KSR2: variants seen among roughly 807,000 people sequenced by gnomAD.
The protein encoded by KSR2 is kinase suppressor of ras 2.
A neutral mutation model predicts 107.8 loss-of-function variants in KSR2; 25 were observed. That is an observed-to-expected ratio of 0.23 (90% confidence interval 0.17 to 0.32). The LOEUF is 0.32. Ranked by LOEUF, KSR2 falls within the 10% of genes least tolerant of loss-of-function variation. KSR2 has a pLI of 1.00. For synonymous variants in KSR2, 480 were observed against 507.0 expected, an observed-to-expected ratio of 0.95 and a Z score of 0.71; for missense variants, 887 against 1,268.9, an observed-to-expected ratio of 0.70 and a Z score of 4.57.
At chr12:117,709,167 C>G (rs1020254281) in intron 4 of KSR2, among the ~76,000 whole-genome samples, 2 of 152,134 alleles carry the variant, frequency 1.3e-5, no homozygotes, top group South Asian at 2.1e-4. Flanking sequence ...GTGCAGACAT[C>G]TTTGGGGGAG....
intron 1 of KSR2, among the ~76,000 whole-genome samples, chr12:117,902,326 C>A (rs753314486): frequency 6.6e-6 from 1 of 151,648 alleles, no homozygotes; most frequent in Non-Finnish European, 1.5e-5. Flanking sequence ...GGCGTGGTGG[C>A]GCGTGTCAAT....
intron 1 of KSR2, among the ~76,000 whole-genome samples, chr12:117,946,269 CA>C (rs1256898283): frequency 1.3e-5 from 2 of 151,570 alleles, no homozygotes; most frequent in Admixed American, 1.3e-4. Context: ...GACAGAAAAA[CA>C]TTAAATAAAT....
At chr12:117,650,037 C>A (rs954690068) in intron 5 of KSR2, among the ~76,000 whole-genome samples, 1 of 152,322 alleles carries the variant, frequency 6.6e-6, no homozygotes, top group African/African-American at 2.4e-5. Flanking sequence ...ATGGTTAATA[C>A]TGAGTGACAA....
intron 3 of KSR2, among the ~76,000 whole-genome samples, chr12:117,819,301 A>C (rs16947978): frequency 6.6e-6 from 1 of 152,046 alleles, no homozygotes; most frequent in Non-Finnish European, 1.5e-5. Flanking sequence ...CACACCCAGC[A>C]GAGTTTAGTT....
At chr12:117,478,536 C>T (rs906223663) in intron 16 of KSR2, among the ~76,000 whole-genome samples, 29 of 151,674 alleles carry the variant, frequency 1.9e-4, no homozygotes, top group African/African-American at 1.2e-4. Flanking sequence ...TGGCCTCAAG[C>T]GACCCTCCCA....
chr12:117,901,155 C>T (rs959916514), intron 1 of KSR2, among the ~76,000 whole-genome samples: 2 of 151,920 alleles, frequency 1.3e-5, no homozygotes, highest in Non-Finnish European at 2.9e-5. Flanking sequence ...GTGAGGCACT[C>T]GGCTTGGGTG....
chr12:117,781,515 G>A (rs1481228983), intron 3 of KSR2, among the ~76,000 whole-genome samples: 2 of 152,090 alleles, frequency 1.3e-5, no homozygotes, highest in Non-Finnish European at 2.9e-5. Flanking sequence ...GAGAGCTGAG[G>A]ATTTATCCAG....
chr12:117,587,448 CGAGAATG>C (rs1398716958), intron 5 of KSR2, among the ~76,000 whole-genome samples: 1 of 152,056 alleles, frequency 6.6e-6, no homozygotes, highest in East Asian at 1.9e-4. Flanking sequence ...CTAGAAAAGG[CGAGAATG>C]GATTCTCCCC....
chr12:117,707,477 C>A (rs1043511454), intron 4 of KSR2, among the ~76,000 whole-genome samples: 4 of 152,100 alleles, frequency 2.6e-5, no homozygotes, highest in Non-Finnish European at 5.9e-5. Context: ...CTTGGACAGC[C>A]AGGGTTCAAA....
chr12:117,655,434 T>C (rs1884106586), intron 5 of KSR2, among the ~76,000 whole-genome samples: 1 of 152,178 alleles, frequency 6.6e-6, no homozygotes, highest in Admixed American at 6.5e-5. Flanking sequence ...GGCAATACTC[T>C]GCAGGACTGG....
intron 4 of KSR2, among the ~76,000 whole-genome samples, chr12:117,719,222 C>A (rs372072710): frequency 3.3e-5 from 5 of 152,234 alleles, no homozygotes; most frequent in Non-Finnish European, 5.9e-5. Flanking sequence ...GTCTTTCCCC[C>A]CCTCCACCCC....
At chr12:117,805,523 A>G (rs1890978910) in intron 3 of KSR2, among the ~76,000 whole-genome samples, 1 of 152,228 alleles carries the variant, frequency 6.6e-6, no homozygotes, top group Non-Finnish European at 1.5e-5. Context: ...AAACAACCAG[A>G]GCCCATTCAA....
chr12:117,799,330 C>T (rs1446055146), intron 3 of KSR2, among the ~76,000 whole-genome samples: 3 of 151,934 alleles, frequency 2.0e-5, no homozygotes, highest in South Asian at 2.1e-4. Flanking sequence ...GGTGAAACCC[C>T]GTCTCTACTA....
intron 4 of KSR2, among the ~76,000 whole-genome samples, chr12:117,748,847 T>C (rs1355866815): frequency 6.6e-6 from 1 of 151,914 alleles, no homozygotes; most frequent in African/African-American, 2.4e-5. Context: ...TGAGAGGTGA[T>C]CCTAGCAGCA....
intron 5 of KSR2, among the ~76,000 whole-genome samples, chr12:117,653,546 A>G (rs746277500): frequency 6.6e-5 from 10 of 152,254 alleles, no homozygotes; most frequent in Non-Finnish European, 8.8e-5. Context: ...AGCAAGAAGT[A>G]GCAAACACAC....
chr12:117,958,785 C>T (rs553270696), intron 1 of KSR2, among the ~76,000 whole-genome samples: 15 of 152,252 alleles, frequency 9.9e-5, no homozygotes, highest in Admixed American at 3.3e-4. Flanking sequence ...CACGCCACTG[C>T]GCTCCAGCCT....
chr12:117,959,209 C>T (rs1169772457), intron 1 of KSR2, among the ~76,000 whole-genome samples: 1 of 152,176 alleles, frequency 6.6e-6, no homozygotes, highest in Non-Finnish European at 1.5e-5. Flanking sequence ...TCCAGCCTTT[C>T]TCAGAGCTCC....
At chr12:117,619,942 T>C (rs980660604) in intron 5 of KSR2, among the ~76,000 whole-genome samples, 1 of 152,054 alleles carries the variant, frequency 6.6e-6, no homozygotes, top group Non-Finnish European at 1.5e-5. Flanking sequence ...CAAAAGTTAC[T>C]CACTATTCCC....
intron 4 of KSR2, among the ~76,000 whole-genome samples, chr12:117,671,141 C>T (rs983359657): frequency 6.6e-6 from 1 of 152,210 alleles, no homozygotes; most frequent in African/African-American, 2.4e-5. Context: ...CTTTGCCTGG[C>T]TAAACCCTAC....
Sources: allele counts gnomAD v4.1 joint callset (sites outside exome capture counted in the v4.1 genomes callset), GRCh38; gene constraint gnomAD v4.1.1; transcripts MANE v1.5; gene names NCBI Gene and HGNC (gene_info 2026-07-23, HGNC 2026-07-21).